The following PPARGC1A variants were observed in gnomAD, a reference collection of about 807,000 sequenced individuals.
PPARGC1A encodes the protein peroxisome proliferator-activated receptor gamma coactivator 1-alpha.
A neutral mutation model predicts 88.7 loss-of-function variants in PPARGC1A; 25 were observed. The ratio of observed to expected loss-of-function variants is 0.28; its 90% CI spans 0.21 to 0.39. The LOEUF (loss-of-function observed/expected upper bound fraction) is 0.39. PPARGC1A is among the 10% of genes least tolerant of loss of function. The probability of loss-of-function intolerance (pLI) is 1.00; values close to 1 mark genes in which losing one functional copy is unlikely to be tolerated. For synonymous variants in PPARGC1A, 363 were observed against 355.6 expected (o/e 1.02, Z -0.24); for missense variants, 880 against 968.7 (o/e 0.91, Z 1.22).
At chr4:24,166,719 A>G in the PPARGC1A span, among the ~76,000 whole-genome samples, 10 of 152,222 alleles carry the variant, frequency 6.6e-5, no homozygotes, top group African/African-American at 2.2e-4. Flanking sequence ...ATGGAACAAC[A>G]AAGCCTGGAT....
At chr4:24,466,225 A>C in the PPARGC1A span, among the ~76,000 whole-genome samples, 1 of 152,226 alleles carries the variant, frequency 6.6e-6, no homozygotes, top group Non-Finnish European at 1.5e-5. Context: ...CTCGTTCATC[A>C]AAAAGAATTC....
At chr4:23,844,808 T>TATATGATATATATTATA (rs1727954706) in intron 2 of PPARGC1A, among the ~76,000 whole-genome samples, 1 of 50,634 alleles carries the variant, frequency 2.0e-5, no homozygotes, top group African/African-American at 7.2e-5. Flanking sequence ...TATATATTAT[T>TATATGATATATATTATA]ATAATATATG....
chr4:24,354,832 A>G, the PPARGC1A span, among the ~76,000 whole-genome samples: 1 of 152,202 alleles, frequency 6.6e-6, no homozygotes, highest in African/African-American at 2.4e-5. Flanking sequence ...GCTTGTAGTG[A>G]GCCAAGATCA....
the PPARGC1A span, among the ~76,000 whole-genome samples, chr4:24,469,339 T>C: frequency 6.6e-6 from 1 of 152,218 alleles, no homozygotes; most frequent in East Asian, 1.9e-4. Context: ...GTTATGCACA[T>C]GTATTCTTCA....
chr4:24,429,080 C>T, the PPARGC1A span, among the ~76,000 whole-genome samples: 1 of 152,296 alleles, frequency 6.6e-6, no homozygotes, highest in East Asian at 1.9e-4. Context: ...AGAGTACACC[C>T]TTGTGGTCAG....
the PPARGC1A span, among the ~76,000 whole-genome samples, chr4:24,352,998 G>A: frequency 3.0e-4 from 45 of 152,234 alleles, no homozygotes; most frequent in African/African-American, 8.9e-4. Flanking sequence ...GCTGGAGTTC[G>A]TTAGCTGATC....
the PPARGC1A span, among the ~76,000 whole-genome samples, chr4:24,122,432 TATATAGAGAGAG>T: frequency 7.4e-6 from 1 of 135,838 alleles, no homozygotes; most frequent in African/African-American, 2.8e-5. Context: ...TATATATATA[TATATAGAGAGAG>T]AGAGAGAGAG....
chr4:24,267,431 C>T, the PPARGC1A span, among the ~76,000 whole-genome samples: 135 of 152,332 alleles, frequency 8.9e-4, no homozygotes, highest in African/African-American at 2.6e-3. Flanking sequence ...TCCCTTTCCC[C>T]TTCACCCTTA....
chr4:24,018,921 A>T, the PPARGC1A span, among the ~76,000 whole-genome samples: 1 of 152,256 alleles, frequency 6.6e-6, no homozygotes, highest in African/African-American at 2.4e-5. Flanking sequence ...TAATTAAAAC[A>T]TTGAAAATTG....
the PPARGC1A span, among the ~76,000 whole-genome samples, chr4:24,222,295 G>A: frequency 6.4e-4 from 97 of 152,298 alleles, no homozygotes; most frequent in East Asian, 0.01. Context: ...ACAGTACCTT[G>A]AGGTAGTTAA....
chr4:24,434,592 T>C, the PPARGC1A span, among the ~76,000 whole-genome samples: 1 of 152,186 alleles, frequency 6.6e-6, no homozygotes, highest in Admixed American at 6.5e-5. Context: ...TGGAAACTCA[T>C]GCTCTCTAAG....
At chr4:24,148,583 A>G in the PPARGC1A span, among the ~76,000 whole-genome samples, 81 of 152,346 alleles carry the variant, frequency 5.3e-4, 1 homozygote, top group South Asian at 0.013. Context: ...AGATGAAAAG[A>G]AACTAGCACA....
the PPARGC1A span, among the ~76,000 whole-genome samples, chr4:23,931,544 T>G: frequency 6.6e-6 from 1 of 151,914 alleles, no homozygotes; most frequent in African/African-American, 2.4e-5. Flanking sequence ...GAAAGGAAGG[T>G]GACCCATTCA....
At chr4:24,020,274 A>G in the PPARGC1A span, among the ~76,000 whole-genome samples, 32 of 152,178 alleles carry the variant, frequency 2.1e-4, no homozygotes, top group Non-Finnish European at 4.4e-5. Context: ...AATCCTGTCA[A>G]TGGCTTAAAA....
chr4:24,091,095 A>T, the PPARGC1A span, among the ~76,000 whole-genome samples: 1 of 152,250 alleles, frequency 6.6e-6, no homozygotes, highest in Non-Finnish European at 1.5e-5. Context: ...CCATAAAGTA[A>T]GTCTGATGAC....
At chr4:24,290,140 G>C in the PPARGC1A span, among the ~76,000 whole-genome samples, 1 of 152,128 alleles carries the variant, frequency 6.6e-6, no homozygotes, top group Non-Finnish European at 1.5e-5. Flanking sequence ...CGACATGTGG[G>C]AATTACGGGA....
At chr4:23,977,180 C>T in the PPARGC1A span, among the ~76,000 whole-genome samples, 1 of 152,148 alleles carries the variant, frequency 6.6e-6, no homozygotes, top group African/African-American at 2.4e-5. Flanking sequence ...ATAGTTATTA[C>T]TGCTGAAAAA....
At chr4:24,139,418 C>T in the PPARGC1A span, among the ~76,000 whole-genome samples, 1 of 152,066 alleles carries the variant, frequency 6.6e-6, no homozygotes, top group Non-Finnish European at 1.5e-5. Context: ...CATTTCCAGA[C>T]AATTTTTGCT....
chr4:23,976,458 A>G, the PPARGC1A span, among the ~76,000 whole-genome samples: 1 of 152,198 alleles, frequency 6.6e-6, no homozygotes, highest in African/African-American at 2.4e-5. Context: ...GTTTGATGAT[A>G]TCTTTTCATA....
Sources: gnomAD v4.1 joint callset for allele counts (sites outside exome capture counted in the v4.1 genomes callset) on GRCh38, gnomAD v4.1.1 for gene constraint, MANE v1.5 for transcripts, NCBI Gene and HGNC (gene_info 2026-07-23, HGNC 2026-07-21) for gene names.